The following SLC15A5 variants were observed in gnomAD, a reference collection of about 807,000 sequenced individuals.
SLC15A5 encodes Peptide/histidine transporter ENSP00000340402.
A neutral mutation model predicts 56.1 loss-of-function variants in SLC15A5; 58 were observed. That is an observed-to-expected ratio of 1.03 (90% CI 0.84 to 1.29). The LOEUF is 1.29. Among genes scored for constraint, SLC15A5 ranks in the 50% most tolerant of loss-of-function variants. The pLI, the probability that SLC15A5 is intolerant of heterozygous loss-of-function variation, is 0.00. For missense variants in SLC15A5, 681 were observed against 672.1 expected (o/e 1.01, Z -0.15); for synonymous variants, 264 against 250.5 (o/e 1.05, Z -0.51).
In SLC15A5 at chr12:16,272,627, A is replaced by T. The variant is rs1289351435; in HGVS notation, c.518T>A (p.Val173Asp). 2.0e-6 allele frequency: 3 copies of T among 1,536,902 alleles called. No homozygotes were observed. The African/African-American group carries it at 4.1e-5, about 21-fold the overall frequency. Residue 173 changes from valine (V) to aspartate (D), a missense_variant, in exon 2 of 9, where the codon GTC (valine) becomes GAC (aspartate). Physicochemically the swap from Val to Asp is radical, Grantham distance 152. Transcript: ENST00000344941. Reference protein sequence around the residue: ...CLGIGGVRAIVCPLGAFGLQE... With the variant: ...CLGIGGVRAIDCPLGAFGLQE... ...AAGGCCAAAAGCACCCAGTGGACAGACGATGGCTCTTACGCCTCCAATGCC... is the reference window on the plus strand; with the variant it reads ...AAGGCCAAAAGCACCCAGTGGACAGTCGATGGCTCTTACGCCTCCAATGCC...
At chr12:16,200,310 GA>G (rs1863942118) in intron 7 of SLC15A5, among the ~76,000 whole-genome samples, 1 of 151,636 alleles carries the variant, frequency 6.6e-6, no homozygotes, top group Non-Finnish European at 1.5e-5. Context: ...AAGGGACATT[GA>G]AAATTTTTTT....
At position 16,216,097 on chromosome 12, in the gene SLC15A5, T is replaced by G. The variant is rs1591644864; in HGVS notation, c.1483+796A>C. ...AACTAACACTTTCTTTACATCATTT[T>G]TAGTGCACAACAATAAGTATTTTTG... On this transcript the variant is annotated intron_variant, in intron 7 of 8. Coordinates refer to ENST00000344941, the MANE Select transcript of SLC15A5 (RefSeq NM_001170798.1). Among the ~76,000 whole-genome samples the G allele has an allele frequency of 3.9e-5, 6 of 152,340 alleles. No homozygotes were observed. The South Asian group carries it at 1.2e-3, about 32-fold the overall frequency.
At chr12:16,203,057 C>G (rs1486232680) in intron 7 of SLC15A5, among the ~76,000 whole-genome samples, 2 of 151,962 alleles carry the variant, frequency 1.3e-5, no homozygotes, top group Admixed American at 1.3e-4. Context: ...ATCTATTATA[C>G]AGCATGGTGA....
In SLC15A5 at chr12:16,243,819, A is replaced by C. The variant is rs981220623; in HGVS notation, c.975+761T>G. On this transcript the variant is annotated intron_variant, in intron 4 of 8. Transcript: ENST00000344941. The surrounding 1 kb of genome is among the most constrained non-coding windows in gnomAD (Gnocchi z 4.4). ...GTTTAACAAATAAAGTAGTTTATGA[A>C]GTTAATCTCTAAATTTTGTTGCAGC... 6.6e-6 allele frequency among the ~76,000 whole-genome samples: 1 copy of C among 152,176 alleles called. No individual in the cohort carries two copies.
rs1450392500 is a variant in SLC15A5, at chr12:16,244,625, G to T, written c.930C>A (p.Leu310=). The T allele has an allele frequency of 2.0e-6, 3 of 1,537,726 alleles. No homozygotes were observed. In the South Asian group the frequency reaches 3.6e-5, roughly 18 times the overall value. Residue 310 remains leucine (L), a synonymous_variant, in exon 4 of 9, where the codon CTC becomes CTA. Coordinates refer to ENST00000344941, the MANE Select transcript of SLC15A5 (RefSeq NM_001170798.1). ...ATAGGAGCTGAAAAATGAAGAGAGG[G>T]AGAAGGGTGAGGAAAAATGTTGTGT... is the stretch of plus-strand genomic sequence containing the variant. ...VEDTTFFLTL[L]PLFIFQLLYR...
intron 5 of SLC15A5, among the ~76,000 whole-genome samples, chr12:16,233,240 C>A (rs1018173786): frequency 1.3e-5 from 2 of 152,048 alleles, no homozygotes; most frequent in African/African-American, 4.8e-5. Flanking sequence ...GCATTACCAG[C>A]AAAAGTTTAG....
intron 7 of SLC15A5, among the ~76,000 whole-genome samples, chr12:16,212,346 G>T (rs1358467391): frequency 2.0e-5 from 3 of 151,922 alleles, no homozygotes; most frequent in African/African-American, 7.3e-5. Context: ...AGTTTTAGAG[G>T]GATACTGACC....
intron 4 of SLC15A5, among the ~76,000 whole-genome samples, chr12:16,244,012 A>C (rs1036626161): frequency 6.6e-6 from 1 of 152,230 alleles, no homozygotes; most frequent in African/African-American, 2.4e-5. Flanking sequence ...AAAAAATTTA[A>C]AATCACATAT....
intron 2 of SLC15A5, among the ~76,000 whole-genome samples, chr12:16,265,756 T>G (rs1864688989): frequency 6.6e-6 from 1 of 152,204 alleles, no homozygotes; most frequent in South Asian, 2.1e-4. Flanking sequence ...GTGCTGGGAC[T>G]AGAAACATGA....
intron 3 of SLC15A5, among the ~76,000 whole-genome samples, chr12:16,253,886 C>G (rs564258323): frequency 5.9e-5 from 9 of 152,164 alleles, no homozygotes; most frequent in Admixed American, 5.9e-4. Flanking sequence ...TTCTCAAAAA[C>G]TTTAAAGTAG....
intron 5 of SLC15A5, among the ~76,000 whole-genome samples, chr12:16,229,647 T>TACACACACACACACAC (rs71438372): frequency 9.7e-5 from 14 of 144,288 alleles, no homozygotes; most frequent in African/African-American, 3.6e-4. Context: ...CACACACACA[T>TACACACACACACACAC]ACACACACAC....
At chr12:16,250,471 A>G (rs1864509057) in intron 3 of SLC15A5, among the ~76,000 whole-genome samples, 1 of 152,052 alleles carries the variant, frequency 6.6e-6, no homozygotes, top group South Asian at 2.1e-4. Flanking sequence ...TACTATTGGT[A>G]GTAGCTGTAT....
chr12:16,277,599 G>A lies in SLC15A5; in HGVS notation c.87C>T (p.Gly29=), dbSNP rs776441301. The change falls in exon 1 of 9, where the codon GGC becomes GGT. Residue 29 remains glycine (G), a synonymous_variant. Coordinates refer to ENST00000344941, the MANE Select transcript of SLC15A5 (RefSeq NM_001170798.1). ...IEKEKTVRHI[G]DLCSSHSVKK... ...TCACAGAGTGTGAGGAACACAAATC[G>A]CCAATATGTCTTACAGTTTTCTCCT... is the stretch of plus-strand genomic sequence containing the variant. The A allele has an allele frequency of 4.9e-5, 75 of 1,536,194 alleles. No homozygotes were observed. Among genetic ancestry groups the A allele is most frequent in the Middle Eastern group, 1.7e-4 (1 of 6,004 alleles).
intron 3 of SLC15A5, among the ~76,000 whole-genome samples, chr12:16,255,754 A>G (rs1318021297): frequency 6.6e-6 from 1 of 152,046 alleles, no homozygotes; most frequent in African/African-American, 2.4e-5. Context: ...CACGATGAAT[A>G]TACAATTATA....
intron 4 of SLC15A5, among the ~76,000 whole-genome samples, chr12:16,240,740 A>G (rs925920360): frequency 6.6e-6 from 1 of 152,162 alleles, no homozygotes; most frequent in African/African-American, 2.4e-5. Context: ...ATGATGTCAC[A>G]TGAAAGAGGT....
At chr12:16,224,193 T>C (rs2136249446) in intron 6 of SLC15A5, among the ~76,000 whole-genome samples, 1 of 152,336 alleles carries the variant, frequency 6.6e-6, no homozygotes, top group South Asian at 2.1e-4. Context: ...TTTTGTTCCA[T>C]CTGCATCCAG....
At chr12:16,267,733 C>CATTTTTT in intron 2 of SLC15A5, among the ~76,000 whole-genome samples, 1 of 27,514 alleles carries the variant, frequency 3.6e-5, no homozygotes, top group African/African-American at 1.5e-4. Context: ...CACCCCCCAC[C>CATTTTTT]TTTTTTTTTT....
intron 1 of SLC15A5, 41 bp from the exon 2 acceptor site, chr12:16,272,824 C>CTT (rs902385074): frequency 1.6e-5 from 24 of 1,475,338 alleles, no homozygotes; most frequent in Non-Finnish European, 2.1e-5. Flanking sequence ...TAGCATAGAA[C>CTT]AAGTGGATCA....
At chr12:16,275,030 C>T (rs994357585) in intron 1 of SLC15A5, among the ~76,000 whole-genome samples, 18 of 151,972 alleles carry the variant, frequency 1.2e-4, no homozygotes, top group African/African-American at 4.3e-4. Flanking sequence ...TGTCATACCC[C>T]CTGCCAGGTG....
Sources: gnomAD v4.1 joint callset for allele counts (sites outside exome capture counted in the v4.1 genomes callset) on GRCh38, gnomAD v4.1.1 for gene constraint, Gnocchi (gnomAD v3.1) non-coding constraint, MANE v1.5 for transcripts, NCBI Gene and HGNC (gene_info 2026-07-23, HGNC 2026-07-21) for gene names.